Variants in COMP observed in about 807,000 individuals in gnomAD.
COMP encodes the protein cartilage oligomeric matrix protein (pseudoachondroplasia, epiphyseal dysplasia 1, multiple).
In COMP, 79 loss-of-function variants were observed where a neutral mutation model predicts 95.8. The observed-to-expected ratio is 0.82, with a 90% CI of 0.69 to 0.99. The LOEUF is 0.99. Among genes scored for constraint, COMP ranks in the 50% least tolerant of loss-of-function variants. The probability of loss-of-function intolerance (pLI) is 0.00; values close to 1 mark genes in which losing one functional copy is unlikely to be tolerated. For missense variants in COMP, 906 were observed against 1,076.1 expected (o/e 0.84, Z 2.21); for synonymous variants, 438 against 433.9 (o/e 1.01, Z -0.12).
intron 14 of COMP, 46 bp from the exon 15 acceptor site, chr19:18,785,592 C>A: frequency 6.2e-7 from 1 of 1,613,888 alleles, no homozygotes; most frequent in South Asian, 1.1e-5. Flanking sequence ...CCGTGACAGC[C>A]CTAGGCACCC....
chr19:18,790,200 G>C (rs1348168415), intron 3 of COMP, 86 bp from the exon 4 acceptor site: 106 of 1,088,680 alleles, frequency 9.7e-5, no homozygotes, highest in Middle Eastern at 6.1e-4. Flanking sequence ...CCCGGGGCTG[G>C]AGGCTTCCCC....
rs369162037 is a variant in COMP at position 18,790,899 on chromosome 19, T to A, written c.116A>T (p.Gln39Leu). Residue 39 changes from glutamine (Q) to leucine (L), a missense_variant, in exon 2 of 19, where the codon CAG (glutamine) becomes CTG (leucine). By Grantham distance (113) the Gln-to-Leu change is moderately radical. Transcript: ENST00000222271. ...GTCCTGCAGCGCCGCGTTGGTTTCC[T>A]GCAGTTCCCGAAGCATCTGCGGGCC... ...DLGPQMLREL[Q>L]ETNAALQDVR... is the part of the protein sequence containing the mutation. The A allele has an allele frequency of 1.3e-6, 2 of 1,571,588 alleles. No homozygotes were observed. The highest frequency in any genetic ancestry group is 1.7e-6 in the Non-Finnish European group (2 of 1,159,496).
At position 18,788,165 on chromosome 19, in the gene COMP, G is replaced by C; in HGVS notation, c.975+47C>G. The C allele has an allele frequency of 6.6e-7, 1 of 1,515,456 alleles. No homozygotes were observed. Among genetic ancestry groups the C allele is most frequent in the Non-Finnish European group, 9.1e-7 (1 of 1,093,614 alleles). 93.9% of individuals were successfully genotyped at this position (1,515,456 alleles called of 1,614,324 possible). ...GATCCGCCCGCCTCGGCCTCCCAAA[G>C]TGCTGGGATTACAGGAGTGAACCAC... On this transcript the variant is annotated intron_variant, in intron 9 of 18. Coordinates refer to ENST00000222271, the MANE Select transcript of COMP (RefSeq NM_000095.3). This position sits in a 1 kb window ranked among gnomAD's most constrained non-coding sequence, Gnocchi z 4.7.
chr19:18,783,000 C>G (rs2055135300), intron 18 of COMP, 39 bp from the exon 19 acceptor site: 1 of 1,612,236 alleles, frequency 6.2e-7, no homozygotes, highest in Non-Finnish European at 8.5e-7. Flanking sequence ...CTGAGAAGGC[C>G]AGCAGGGCCT....
chr19:18,788,797 C>T lies in COMP; in HGVS notation c.603+42G>A. On this transcript the variant is annotated intron_variant, in intron 6 of 18. Coordinates refer to ENST00000222271, the MANE Select transcript of COMP (RefSeq NM_000095.3). This position sits in a 1 kb window ranked among gnomAD's most constrained non-coding sequence, Gnocchi z 4.7. ...TCAGCGCAGGCCGCCCGCCGCTCGC[C>T]CCACCTCCCGCGATCCTTTCTTCCT... 2 of 1,610,330 alleles carry T rather than the reference C, an allele frequency of 1.2e-6. No homozygotes were observed. The highest frequency in any genetic ancestry group is 2.2e-5 in the East Asian group (1 of 44,846).
Position 18,790,432 on chromosome 19 carries a change from C to T in COMP, c.217+130G>A, listed in dbSNP as rs574216328. On this transcript the variant is annotated intron_variant, in intron 3 of 18. Coordinates refer to ENST00000222271, the MANE Select transcript of COMP (RefSeq NM_000095.3). The stretch of plus-strand genomic sequence containing the variant: ...ACACCCCATCCCATTCCCGTTCGTC[C>T]GTCCACCTCTCCGTCAGCCTCCATC... The T allele has an allele frequency of 1.7e-4, 199 of 1,190,486 alleles. No individual in the cohort carries two copies. The African/African-American group carries it at 2.6e-3, about 16-fold the overall frequency. 73.7% of individuals were successfully genotyped at this position (1,190,486 alleles called of 1,614,324 possible).
chr19:18,783,060 A>G lies in COMP; in HGVS notation c.2221T>C (p.Cys741Arg). 6.2e-7 allele frequency: 1 copy of G among 1,612,272 alleles called. No homozygotes were observed. The highest frequency in any genetic ancestry group is 1.3e-5 in the African/African-American group (1 of 75,042). The change falls in exon 18 of 19, where the codon TGC becomes CGC. Residue 741 changes from cysteine to arginine, a missense_variant. Transcript: ENST00000222271. The stretch of plus-strand genomic sequence containing the variant: ...CCGCTGGCCCTCGGCTCACCATTGC[A>G]GCGGTAACGCAGGTTGGCCCAGATG... The part of the protein sequence containing the change: ...NIIWANLRYR[C>R]NDTIPEDYET...
At position 18,789,703 on chromosome 19, in the gene COMP, G is replaced by A. The variant is rs3787049; in HGVS notation, c.390+239C>T. 2.3e-3 allele frequency among the ~76,000 whole-genome samples: 343 copies of A among 152,010 alleles called. 8 individuals carry two copies. In the East Asian group the frequency reaches 0.043, roughly 19 times the overall value. On this transcript the variant is annotated intron_variant, in intron 4 of 18. Coordinates refer to ENST00000222271, the MANE Select transcript of COMP (RefSeq NM_000095.3). This position sits in a 1 kb window ranked among gnomAD's most constrained non-coding sequence, Gnocchi z 6.1. Reference sequence around the variant, plus strand: ...ACCCCTGGCGGTGAGGGAGTCGTCGGGGCGGGCGTCACTAGCTATGTAGGG... The same window carrying A: ...ACCCCTGGCGGTGAGGGAGTCGTCGAGGCGGGCGTCACTAGCTATGTAGGG...
chr19:18,785,358 C>A, intron 15 of COMP, 140 bp downstream of exon 15: 2 of 1,143,714 alleles, frequency 1.7e-6, no homozygotes, highest in Non-Finnish European at 1.3e-6. Context: ...CATATAACCC[C>A]GCCCCTCTGT....
chr19:18,791,048 C>T, intron 1 of COMP, 113 bp from the exon 2 acceptor site: 3 of 1,508,682 alleles, frequency 2.0e-6, no homozygotes, highest in Non-Finnish European at 2.7e-6. Context: ...CCTCTAGTCT[C>T]GGTCCCGCCA....
At position 18,788,381 on chromosome 19, in the gene COMP, C is replaced by A. The variant is rs750978284; in HGVS notation, c.867+29G>T. The A allele has an allele frequency of 2.5e-6, 4 of 1,595,316 alleles. No homozygotes were observed. In the South Asian group the frequency reaches 4.4e-5, roughly 18 times the overall value. On this transcript the variant is annotated intron_variant, in intron 8 of 18. Coordinates refer to ENST00000222271, the MANE Select transcript of COMP (RefSeq NM_000095.3). The surrounding 1 kb of genome is among the most constrained non-coding windows in gnomAD (Gnocchi z 4.7). ...ATGAAGTCCCGCCCTCCCTCCTGCC[C>A]AAGCCCGCCCCGCTCCGCCCCCACC...
chr19:18,789,226 G>A lies in COMP; in HGVS notation c.462C>T (p.Cys154=), dbSNP rs954751505. Residue 154 remains cysteine, a synonymous_variant, in exon 5 of 19, where the codon TGC becomes TGT. Coordinates refer to ENST00000222271, the MANE Select transcript of COMP (RefSeq NM_000095.3). The surrounding 1 kb of genome is among the most constrained non-coding windows in gnomAD (Gnocchi z 6.1). The stretch of plus-strand genomic sequence containing the variant: ...GGGTGGGGCCGCTGTACCCCGGCGG[G>A]CAAGCCTCGCAGCGGAACCCCGGGC... ...NTSPGFRCEA[C]PPGYSGPTHQ... 6.5e-7 allele frequency: 1 copy of A among 1,533,028 alleles called. No individual in the cohort carries two copies. The highest frequency in any genetic ancestry group is 2.3e-5 in the Admixed American group (1 of 44,208). The allele number at this position is 1,533,028 out of a possible 1,614,324, so 95.0% of individuals were successfully genotyped here.
Position 18,790,133 on chromosome 19 carries a change from A to T in COMP, c.218-19T>A. 6.6e-7 allele frequency: 1 copy of T among 1,513,332 alleles called. No homozygotes were observed. The allele number at this position is 1,513,332 out of a possible 1,614,324, so 93.7% of individuals were successfully genotyped here. On this transcript the variant is annotated intron_variant, in intron 3 of 18. Transcript: ENST00000222271. ...TGCATCCCTGCGGGGGGGAGGGGGG[A>T]GAAGCGGCGGGGCTGATCGGTGGCT...
Position 18,787,651 on chromosome 19 carries a change from C to G in COMP, c.976-1G>C. On this transcript the variant is annotated splice_acceptor_variant, in intron 9 of 18. Coordinates refer to ENST00000222271, the MANE Select transcript of COMP (RefSeq NM_000095.3). LOFTEE classifies it high-confidence loss of function. ...GGTTCCGCACCAGCGGGCAGTTGTC[C>G]TGGATGACAGGGTGGGTTAAGGGTG... 6.8e-6 allele frequency: 11 copies of G among 1,613,704 alleles called. No homozygotes were observed. Among genetic ancestry groups the G allele is most frequent in the Non-Finnish European group, 9.3e-6 (11 of 1,180,024 alleles).
At position 18,788,587 on chromosome 19, in the gene COMP, C is replaced by T. The variant is rs1385859906; in HGVS notation, c.762+5G>A. On this transcript the variant is annotated splice_donor_5th_base_variant and intron_variant, in intron 7 of 18. Transcript: ENST00000222271. The surrounding 1 kb of genome is among the most constrained non-coding windows in gnomAD (Gnocchi z 4.7). ...CCGCCTCAAGCCCAGCCCGCCCGCA[C>T]TCACCACGCACGACCGCGAGCCATC... 1 of 1,555,866 alleles carries T rather than the reference C, an allele frequency of 6.4e-7. No homozygotes were observed. Among genetic ancestry groups the T allele is most frequent in the Non-Finnish European group, 8.7e-7 (1 of 1,150,452 alleles).
chr19:18,786,366 C>T (rs1007491344), intron 11 of COMP, 75 bp from the exon 12 acceptor site: 4 of 1,605,788 alleles, frequency 2.5e-6, no homozygotes, highest in South Asian at 1.1e-5. Flanking sequence ...CCCAGCCGCA[C>T]AGCCAAGGTC....
chr19:18,786,113 G>A lies in COMP; in HGVS notation c.1341C>T (p.Asn447=). Residue 447 remains asparagine, a synonymous_variant, in exon 13 of 19, where the codon AAC becomes AAT. Transcript: ENST00000222271. The part of the protein sequence containing the change: ...DGDGHQDSRD[N]CPTVPNSAQE... ...GGGCACTGTTAGGCACCGTGGGACAGTTGTCCCGAGAGTCCTGATGTCCGT... is the reference window on the plus strand; with the variant it reads ...GGGCACTGTTAGGCACCGTGGGACAATTGTCCCGAGAGTCCTGATGTCCGT... The A allele has an allele frequency of 2.5e-6, 4 of 1,614,210 alleles. No homozygotes were observed. Among genetic ancestry groups the A allele is most frequent in the Non-Finnish European group, 3.4e-6 (4 of 1,180,054 alleles).
At position 18,789,975 on chromosome 19, in the gene COMP, C is replaced by A; in HGVS notation, c.357G>T (p.Thr119=). 6.3e-7 allele frequency: 1 copy of A among 1,595,334 alleles called. No homozygotes were observed. Among genetic ancestry groups the A allele is most frequent in the Non-Finnish European group, 8.5e-7 (1 of 1,178,166 alleles). The stretch of plus-strand genomic sequence containing the variant: ...CGTCGGTGCAGTGCGAGCCGTTGCC[C>A]GTGAAGCCCGCGGGGCAGGGGCCGC... ...ARCGPCPAGF[T]GNGSHCTDVN... is the part of the protein sequence containing the mutation. The change falls in exon 4 of 19, where the codon ACG becomes ACT. Residue 119 remains threonine, a synonymous_variant. Coordinates refer to ENST00000222271, the MANE Select transcript of COMP (RefSeq NM_000095.3). This position sits in a 1 kb window ranked among gnomAD's most constrained non-coding sequence, Gnocchi z 6.1.
At position 18,789,134 on chromosome 19, in the gene COMP, A is replaced by G; in HGVS notation, c.528+26T>C. 6.3e-7 allele frequency: 1 copy of G among 1,582,942 alleles called. No homozygotes were observed. Among genetic ancestry groups the G allele is most frequent in the Non-Finnish European group, 8.6e-7 (1 of 1,167,676 alleles). On this transcript the variant is annotated intron_variant, in intron 5 of 18. Transcript: ENST00000222271. This position sits in a 1 kb window ranked among gnomAD's most constrained non-coding sequence, Gnocchi z 6.1. ...TGGACGCCCCCTTCCCTTCTGCTCCAAAAATGGGGCCCCCACACCTCTCAC... is the reference window on the plus strand; with the variant it reads ...TGGACGCCCCCTTCCCTTCTGCTCCGAAAATGGGGCCCCCACACCTCTCAC...
Sources: gnomAD v4.1 joint callset for allele counts (sites outside exome capture counted in the v4.1 genomes callset) on GRCh38, gnomAD v4.1.1 for gene constraint, Gnocchi (gnomAD v3.1) non-coding constraint, MANE v1.5 for transcripts, NCBI Gene and HGNC (gene_info 2026-07-23, HGNC 2026-07-21) for gene names.